Variants in TACC2 observed in about 807,000 individuals in gnomAD.
TACC2 encodes the protein transforming acidic coiled-coil-containing protein 2.
In TACC2, 137 loss-of-function variants were observed where a neutral mutation model predicts 227.3. That is an observed-to-expected ratio of 0.60 (90% CI 0.52 to 0.69). The LOEUF (loss-of-function observed/expected upper bound fraction) is 0.69. TACC2 is among the 30% of genes least tolerant of loss of function. The pLI, the probability that TACC2 is intolerant of heterozygous loss-of-function variation, is 0.00. For missense variants in TACC2, 3,470 were observed against 3,694.4 expected (o/e 0.94, Z 1.57); for synonymous variants, 1,523 against 1,487.5 (o/e 1.02, Z -0.55).
intron 1 of TACC2, among the ~76,000 whole-genome samples, chr10:122,004,688 C>T (rs1954844775): frequency 6.6e-6 from 1 of 152,094 alleles, no homozygotes. Context: ...CCCTGTCCTC[C>T]AAACTATCTT....
intron 9 of TACC2, chr10:122,213,345 G>T (rs763735660): frequency 1.2e-6 from 2 of 1,611,832 alleles, no homozygotes; most frequent in Non-Finnish European, 1.7e-6. Context: ...GTCTTAGGAT[G>T]GTTGAAGATG....
In TACC2 at chr10:122,084,449, AG is replaced by A. The variant is rs1324359806; in HGVS notation, c.1950del (p.Thr651GlnfsTer64). The A allele has an allele frequency of 1.9e-6, 3 of 1,612,906 alleles. No homozygotes were observed. Among genetic ancestry groups the A allele is most frequent in the African/African-American group, 2.7e-5 (2 of 75,052 alleles). ...GAGHTDGPHSQTAEADASGLP... is the reference protein window; with the variant it reads ...GAGHTDGPHSXTAEADASGLP... ...GGGCACACGGACGGGCCCCACTCTC[AG>A]ACAGCAGAGGCTGATGCATCTGGCC... is the stretch of plus-strand genomic sequence containing the variant. On this transcript the variant is annotated frameshift_variant, in exon 4 of 23. Coordinates refer to ENST00000369005, the MANE Select transcript of TACC2 (RefSeq NM_206862.4). LOFTEE classifies it high-confidence loss of function.
At chr10:122,061,092 G>C (rs2076763570) in intron 3 of TACC2, among the ~76,000 whole-genome samples, 1 of 150,376 alleles carries the variant, frequency 6.6e-6, no homozygotes. Flanking sequence ...GGCAGATCAC[G>C]AGGTCAGGAA....
chr10:122,129,090 T>C (rs913649877), intron 5 of TACC2, among the ~76,000 whole-genome samples: 1 of 148,614 alleles, frequency 6.7e-6, no homozygotes, highest in Non-Finnish European at 1.5e-5. Flanking sequence ...TTATTATTAT[T>C]ATTATTTGAG....
rs149875675 is a variant in TACC2, at chr10:122,211,416, G to A, written c.6991G>A (p.Ala2331Thr). 17 of 1,613,902 alleles carry A rather than the reference G, an allele frequency of 1.1e-5. No individual in the cohort carries two copies. The African/African-American group carries it at 2.3e-4, about 22-fold the overall frequency. ...TGCTGAACCCAATGACATCCCCATT[G>A]CTAAAGGTACTTACACCTTTGATAT... ...SPAEPNDIPI[A>T]KGTYTFDIDK... The change falls in exon 9 of 23, where the codon GCT (alanine) becomes ACT (threonine). Residue 2331 changes from alanine (A) to threonine (T), a missense_variant. Transcript: ENST00000369005.
chr10:122,017,032 G>A (rs59939085), intron 1 of TACC2, among the ~76,000 whole-genome samples: 1,922 of 152,092 alleles, frequency 0.013, 49 homozygotes, highest in African/African-American at 0.044. Flanking sequence ...ACACCAACCC[G>A]GCCAAAACCT....
At chr10:122,068,999 A>G (rs1013622259) in intron 3 of TACC2, among the ~76,000 whole-genome samples, 2 of 119,130 alleles carry the variant, frequency 1.7e-5, no homozygotes, top group African/African-American at 3.3e-5. Flanking sequence ...CGCGGGCCCA[A>G]CCTTTCAGGT....
chr10:122,078,627 G>A (rs2079108036), intron 3 of TACC2, among the ~76,000 whole-genome samples: 1 of 152,234 alleles, frequency 6.6e-6, no homozygotes, highest in African/African-American at 2.4e-5. Flanking sequence ...CGGATTCTGA[G>A]CAGAGGCTCT....
intron 16 of TACC2, among the ~76,000 whole-genome samples, chr10:122,231,082 G>A (rs182751842): frequency 7.6e-4 from 116 of 152,296 alleles, no homozygotes; most frequent in African/African-American, 2.3e-3. Flanking sequence ...TACAAAAAAC[G>A]GCAGTGGGCC....
chr10:122,173,513 A>G (rs949197739), intron 7 of TACC2, among the ~76,000 whole-genome samples: 4 of 152,246 alleles, frequency 2.6e-5, no homozygotes, highest in Non-Finnish European at 5.9e-5. Context: ...CAGATCTGGC[A>G]CTTGTCACGA....
intron 7 of TACC2, among the ~76,000 whole-genome samples, chr10:122,145,189 A>C (rs924721851): frequency 2.0e-5 from 3 of 152,256 alleles, no homozygotes; most frequent in African/African-American, 7.2e-5. Flanking sequence ...TTTACCTATG[A>C]ACGATGAAAA....
At chr10:122,151,895 C>T (rs1027304932) in intron 7 of TACC2, among the ~76,000 whole-genome samples, 12 of 152,180 alleles carry the variant, frequency 7.9e-5, no homozygotes, top group Non-Finnish European at 1.5e-4. Context: ...GACCCTGCAA[C>T]GTGGGCCACA....
rs903726398 is a variant in TACC2 at position 122,194,706 on chromosome 10, CCT to C, written c.5835-323_5835-322del. On this transcript the variant is annotated intron_variant, in intron 7 of 22. Transcript: ENST00000369005. The surrounding 1 kb of genome is among the most constrained non-coding windows in gnomAD (Gnocchi z 4.4). ...ACAATGGCATCGAACATGCAGAATG[CCT>C]CTCTCTCTCTATTTGAATCAATACC... is the stretch of plus-strand genomic sequence containing the variant. Among the ~76,000 whole-genome samples, 44 of 152,080 alleles carry C rather than the reference CCT, an allele frequency of 2.9e-4. 1 individual carries two copies. The highest frequency in any genetic ancestry group is 2.0e-4 in the Admixed American group (3 of 15,278).
chr10:122,057,670 A>AT (rs397748545), intron 3 of TACC2, among the ~76,000 whole-genome samples: 7 of 150,776 alleles, frequency 4.6e-5, no homozygotes, highest in African/African-American at 1.7e-4. Context: ...ATTAAAAAAA[A>AT]TTAGCCAGGC....
intron 5 of TACC2, among the ~76,000 whole-genome samples, chr10:122,112,213 G>A (rs1438660084): frequency 6.6e-6 from 1 of 152,150 alleles, no homozygotes; most frequent in Non-Finnish European, 1.5e-5. Context: ...TTCATGATTG[G>A]GGCCTAGCTG....
At chr10:122,061,267 C>A (rs1306677175) in intron 3 of TACC2, among the ~76,000 whole-genome samples, 2 of 137,618 alleles carry the variant, frequency 1.5e-5, no homozygotes, top group Non-Finnish European at 3.1e-5. Context: ...GCCGAGATGG[C>A]GCCACTGCAC....
At chr10:122,192,197 C>A (rs544501828) in intron 7 of TACC2, among the ~76,000 whole-genome samples, 3 of 152,272 alleles carry the variant, frequency 2.0e-5, no homozygotes, top group Admixed American at 2.0e-4. Flanking sequence ...ATGCAGAGAT[C>A]GTTCATAGTA....
chr10:122,243,980 G>C (rs1027188641), intron 19 of TACC2, among the ~76,000 whole-genome samples: 1 of 152,230 alleles, frequency 6.6e-6, no homozygotes. Context: ...AATTTCTCTA[G>C]TTGGCATAAA....
intron 5 of TACC2, among the ~76,000 whole-genome samples, chr10:122,114,038 T>A (rs576107228): frequency 6.6e-6 from 1 of 152,320 alleles, no homozygotes; most frequent in South Asian, 2.1e-4. Context: ...TCAGGCTCTG[T>A]CAAATGCTGG....
Sources: allele counts gnomAD v4.1 joint callset (sites outside exome capture counted in the v4.1 genomes callset), GRCh38; gene constraint gnomAD v4.1.1; non-coding constraint Gnocchi (gnomAD v3.1); transcripts MANE v1.5; gene names NCBI Gene and HGNC (gene_info 2026-07-23, HGNC 2026-07-21).